The following ACACA variants were observed in gnomAD, a reference collection of about 807,000 sequenced individuals.
ACACA encodes the protein acetyl-CoA carboxylase 1.
Under a neutral mutation model 296.1 loss-of-function variants are expected in ACACA, and 103 were observed. That is an observed-to-expected ratio of 0.35 (90% confidence interval 0.30 to 0.41). ACACA has a LOEUF of 0.41. ACACA is among the 10% of genes least tolerant of loss of function. The probability of loss-of-function intolerance (pLI) is 1.00; values close to 1 mark genes in which losing one functional copy is unlikely to be tolerated. For missense variants in ACACA, 1,554 were observed against 2,989.7 expected, an observed-to-expected ratio of 0.52 and a Z score of 11.20; for synonymous variants, 953 against 1,038.6, an observed-to-expected ratio of 0.92 and a Z score of 1.58.
intron 29 of ACACA, among the ~76,000 whole-genome samples, chr17:37,217,424 G>A (rs1249583012): frequency 6.6e-6 from 1 of 151,878 alleles, no homozygotes; most frequent in African/African-American, 2.4e-5. Context: ...AAGACCAAGT[G>A]CAAGGAAAGA....
At chr17:37,351,753 A>G (rs1166493937) in intron 1 of ACACA, among the ~76,000 whole-genome samples, 1 of 152,110 alleles carries the variant, frequency 6.6e-6, no homozygotes, top group Non-Finnish European at 1.5e-5. Flanking sequence ...AGGTCTTGCT[A>G]TGTTAACGAG....
At chr17:37,138,029 A>C (rs2075402842) in intron 45 of ACACA, among the ~76,000 whole-genome samples, 1 of 152,214 alleles carries the variant, frequency 6.6e-6, no homozygotes, top group Admixed American at 6.5e-5. Flanking sequence ...ACTATTTTAG[A>C]AGGCTTAAAT....
intron 35 of ACACA, among the ~76,000 whole-genome samples, chr17:37,198,333 A>G (rs1378926634): frequency 6.6e-6 from 1 of 152,172 alleles, no homozygotes; most frequent in Non-Finnish European, 1.5e-5. Context: ...AAGGAAAACA[A>G]TTTTACAAAT....
At chr17:37,247,812 CTG>C in intron 18 of ACACA, 197 bp downstream of exon 18, 2 of 629,014 alleles carry the variant, frequency 3.2e-6, no homozygotes, top group Non-Finnish European at 5.5e-6. Flanking sequence ...TCCACATACA[CTG>C]GAGTGGTAGG....
chr17:37,269,011 T>G (rs2081946386), intron 10 of ACACA, among the ~76,000 whole-genome samples: 1 of 142,980 alleles, frequency 7.0e-6, no homozygotes, highest in East Asian at 2.0e-4. Flanking sequence ...GAGTCACTGA[T>G]CTACCTATGA....
At chr17:37,295,565 G>C (rs1180826111) in intron 3 of ACACA, among the ~76,000 whole-genome samples, 1 of 152,120 alleles carries the variant, frequency 6.6e-6, no homozygotes, top group East Asian at 1.9e-4. Context: ...AATGTGGGGG[G>C]ATAACATGAG....
At position 37,244,749 on chromosome 17, in the gene ACACA, A is replaced by G. The variant is rs2145983973; in HGVS notation, c.2596-15T>C. ...TGAAGTTCAGCCTGTCAACCCCAAC[A>G]AGAGATCAAGTCATCTACTACTTTT... On this transcript the variant is annotated splice_polypyrimidine_tract_variant and intron_variant, in intron 20 of 55. Coordinates refer to ENST00000616317, the MANE Select transcript of ACACA (RefSeq NM_198834.3). 1 of 1,614,136 alleles carries G rather than the reference A, an allele frequency of 6.2e-7. No homozygotes were observed. The highest frequency in any genetic ancestry group is 1.1e-5 in the South Asian group (1 of 91,084).
intron 1 of ACACA, chr17:37,379,041 C>T: frequency 7.1e-7 from 1 of 1,406,910 alleles, no homozygotes; most frequent in Non-Finnish European, 9.5e-7. Context: ...CACTGCACTC[C>T]AGCTTGGGTG....
intron 50 of ACACA, among the ~76,000 whole-genome samples, chr17:37,118,601 T>C (rs2074371096): frequency 1.3e-5 from 2 of 152,138 alleles, no homozygotes; most frequent in South Asian, 4.1e-4. Context: ...TCTAACTGTG[T>C]TACAGGGAGC....
At chr17:37,146,831 C>T (rs1305593544) in intron 45 of ACACA, among the ~76,000 whole-genome samples, 2 of 136,514 alleles carry the variant, frequency 1.5e-5, no homozygotes, top group Non-Finnish European at 3.2e-5. Flanking sequence ...TATTTCAGTC[C>T]CCCCCAAAAC....
At chr17:37,348,025 T>A (rs886320440) in intron 1 of ACACA, among the ~76,000 whole-genome samples, 4 of 151,466 alleles carry the variant, frequency 2.6e-5, no homozygotes, top group Non-Finnish European at 5.9e-5. Context: ...ATGCAAAAAT[T>A]AGCCAGGTGT....
chr17:37,381,606 T>C (rs2050262764), intron 1 of ACACA, among the ~76,000 whole-genome samples: 2 of 151,300 alleles, frequency 1.3e-5, no homozygotes, highest in African/African-American at 2.4e-5. Context: ...CATTATTCCA[T>C]AGTATGTCTC....
intron 46 of ACACA, 73 bp from the exon 47 acceptor site, chr17:37,129,558 TATAGAC>T: frequency 6.2e-7 from 1 of 1,601,544 alleles, no homozygotes; most frequent in South Asian, 1.1e-5. Context: ...CAACAATAGT[TATAGAC>T]AAAGACAGCA....
At chr17:37,380,416 A>G (rs2050195083) in intron 1 of ACACA, among the ~76,000 whole-genome samples, 1 of 151,924 alleles carries the variant, frequency 6.6e-6, no homozygotes, top group African/African-American at 2.4e-5. Context: ...CCTAAAACTT[A>G]AAGTATAATA....
chr17:37,330,859 A>C (rs2047843816), intron 2 of ACACA, among the ~76,000 whole-genome samples: 1 of 152,160 alleles, frequency 6.6e-6, no homozygotes, highest in Non-Finnish European at 1.5e-5. Flanking sequence ...TTTAAACTAC[A>C]TAATGCTCAT....
intron 33 of ACACA, among the ~76,000 whole-genome samples, chr17:37,201,346 C>A (rs935032054): frequency 3.3e-5 from 5 of 151,700 alleles, no homozygotes; most frequent in African/African-American, 1.2e-4. Flanking sequence ...GAGAATGAGG[C>A]ATGAAAATCG....
intron 18 of ACACA, among the ~76,000 whole-genome samples, chr17:37,247,423 A>G (rs2080767438): frequency 6.9e-6 from 1 of 144,362 alleles, no homozygotes; most frequent in African/African-American, 2.7e-5. Context: ...ACTGGAGTGC[A>G]ATGGCGTGAT....
In ACACA at chr17:37,248,589, A is replaced by G; in HGVS notation, c.2163+4T>C. Reference sequence around the variant, plus strand: ...GGTGCAAGCTCCAATGGGGTTCTGCATACCTTAAGTACATACTTGACTCCC... The same window carrying G: ...GGTGCAAGCTCCAATGGGGTTCTGCGTACCTTAAGTACATACTTGACTCCC... On this transcript the variant is annotated splice_donor_region_variant and intron_variant, in intron 17 of 55. Coordinates refer to ENST00000616317, the MANE Select transcript of ACACA (RefSeq NM_198834.3). 6.3e-7 allele frequency: 1 copy of G among 1,593,058 alleles called. No individual in the cohort carries two copies. The highest frequency in any genetic ancestry group is 1.1e-5 in the South Asian group (1 of 90,354).
chr17:37,386,555 G>A (rs1597774095), intron 1 of ACACA, among the ~76,000 whole-genome samples: 1 of 152,092 alleles, frequency 6.6e-6, no homozygotes, highest in Admixed American at 6.6e-5. Context: ...TTGTCCCACT[G>A]CACTCCAGCA....
Sources: allele counts gnomAD v4.1 joint callset (sites outside exome capture counted in the v4.1 genomes callset), GRCh38; gene constraint gnomAD v4.1.1; transcripts MANE v1.5; gene names NCBI Gene and HGNC (gene_info 2026-07-23, HGNC 2026-07-21).